Variants in RHPN2 observed in about 807,000 individuals in gnomAD.
RHPN2 encodes rhophilin Rho GTPase binding protein 2.
A neutral mutation model predicts 79.0 loss-of-function variants in RHPN2; 40 were observed. The observed-to-expected ratio is 0.51, with a 90% confidence interval of 0.39 to 0.66. The LOEUF (loss-of-function observed/expected upper bound fraction) is 0.66. Among genes scored for constraint, RHPN2 ranks in the 30% least tolerant of loss-of-function variants. The probability of loss-of-function intolerance (pLI) is 0.00; values close to 1 mark genes in which losing one functional copy is unlikely to be tolerated. For missense variants in RHPN2, 686 were observed against 883.5 expected, an observed-to-expected ratio of 0.78 and a Z score of 2.83; for synonymous variants, 285 against 363.5, an observed-to-expected ratio of 0.78 and a Z score of 2.46.
chr19:32,998,111 C>A (rs756488574), intron 10 of RHPN2, among the ~76,000 whole-genome samples: 1 of 152,142 alleles, frequency 6.6e-6, no homozygotes, highest in African/African-American at 2.4e-5. Context: ...CAGGAAAACC[C>A]GCTATGAGCA....
chr19:33,064,750 G>A (rs1284410048), intron 1 of RHPN2, 34 bp downstream of exon 1: 1 of 1,504,554 alleles, frequency 6.6e-7, no homozygotes, highest in Non-Finnish European at 8.9e-7. Flanking sequence ...TCTGGAGCCC[G>A]CAGGTCCCCG....
intron 14 of RHPN2, among the ~76,000 whole-genome samples, chr19:32,986,598 A>T (rs1230341226): frequency 1.3e-5 from 2 of 152,016 alleles, no homozygotes; most frequent in Admixed American, 6.6e-5. Context: ...GTTCGAGACC[A>T]GCCTGACCAA....
intron 1 of RHPN2, among the ~76,000 whole-genome samples, chr19:33,054,748 G>C (rs908051738): frequency 6.6e-6 from 1 of 152,240 alleles, no homozygotes; most frequent in East Asian, 1.9e-4. Flanking sequence ...GTCACGGGAC[G>C]CTGGTACCTG....
chr19:33,052,038 C>T (rs1187408634), intron 1 of RHPN2, among the ~76,000 whole-genome samples: 3 of 150,684 alleles, frequency 2.0e-5, no homozygotes, highest in Non-Finnish European at 3.0e-5. Flanking sequence ...GAGCCCTTAC[C>T]AAAAACTGAC....
intron 2 of RHPN2, among the ~76,000 whole-genome samples, chr19:33,033,781 C>T (rs1051469939): frequency 6.6e-6 from 1 of 151,714 alleles, no homozygotes; most frequent in Non-Finnish European, 1.5e-5. Context: ...GCAGGAGACT[C>T]GCTTGAACCC....
At chr19:33,003,949 A>C (rs1254454530) in intron 7 of RHPN2, among the ~76,000 whole-genome samples, 1 of 152,164 alleles carries the variant, frequency 6.6e-6, no homozygotes, top group African/African-American at 2.4e-5. Flanking sequence ...CTGAGGTGGG[A>C]GGGTTGCTTG....
At chr19:33,050,820 A>G (rs1275416604) in intron 1 of RHPN2, among the ~76,000 whole-genome samples, 3 of 152,060 alleles carry the variant, frequency 2.0e-5, no homozygotes, top group Non-Finnish European at 4.4e-5. Context: ...CTAGAATTGC[A>G]GGCACCCGCC....
chr19:33,021,419 T>C (rs1971922866), intron 4 of RHPN2, 152 bp downstream of exon 4: 1 of 686,498 alleles, frequency 1.5e-6, no homozygotes, highest in Non-Finnish European at 2.7e-6. Context: ...TGCAGTTGTA[T>C]GATCACAACT....
At chr19:33,051,327 C>T (rs1019506618) in intron 1 of RHPN2, among the ~76,000 whole-genome samples, 1 of 152,098 alleles carries the variant, frequency 6.6e-6, no homozygotes, top group Non-Finnish European at 1.5e-5. Flanking sequence ...ACTTACATGC[C>T]CTTAATGTAC....
At chr19:33,010,388 T>G (rs1218688239) in intron 6 of RHPN2, among the ~76,000 whole-genome samples, 3 of 149,578 alleles carry the variant, frequency 2.0e-5, no homozygotes, top group African/African-American at 4.9e-5. Flanking sequence ...TTAGGTTGTT[T>G]TTTTTTTTTT....
rs530284964 is a variant in RHPN2, at chr19:33,044,264, G to A, written c.170C>T (p.Ala57Val). The A allele has an allele frequency of 5.6e-6, 9 of 1,613,714 alleles. No individual in the cohort carries two copies. The highest frequency in any genetic ancestry group is 1.7e-5 in the Admixed American group (1 of 59,984). ...ILKAVRMRTG[A>V]ENLLKVATNS... ...AGACACCTACTTCAGAAGGTTTTCC[G>A]CTCCGGTCCTCATCCGCACGGCTTT... Residue 57 changes from alanine to valine, a missense_variant, in exon 2 of 15, where the codon GCG becomes GTG. Ala to Val is a moderately conservative substitution (Grantham distance 64, BLOSUM62 0). Transcript: ENST00000254260.
chr19:32,989,105 G>A (rs1191297211), intron 14 of RHPN2, among the ~76,000 whole-genome samples: 1 of 152,034 alleles, frequency 6.6e-6, no homozygotes, highest in Non-Finnish European at 1.5e-5. Context: ...CTAGCACTTG[G>A]GGAAAATTTT....
At chr19:32,997,010 T>C (rs1026207857) in intron 10 of RHPN2, among the ~76,000 whole-genome samples, 2 of 152,196 alleles carry the variant, frequency 1.3e-5, no homozygotes, top group Non-Finnish European at 2.9e-5. Context: ...AACCTCCCTC[T>C]TCTGACTCTT....
intron 14 of RHPN2, among the ~76,000 whole-genome samples, chr19:32,988,073 C>T (rs148454917): frequency 1.3e-5 from 2 of 152,034 alleles, no homozygotes; most frequent in African/African-American, 4.8e-5. Flanking sequence ...GTGGTACACA[C>T]CTGTAGTTCC....
At chr19:33,016,605 T>C (rs1971879878) in intron 4 of RHPN2, among the ~76,000 whole-genome samples, 1 of 152,162 alleles carries the variant, frequency 6.6e-6, no homozygotes, top group South Asian at 2.1e-4. Context: ...CGCTTGAACC[T>C]GGGAGGCAGA....
intron 1 of RHPN2, among the ~76,000 whole-genome samples, chr19:33,044,770 T>A (rs756437755): frequency 6.6e-6 from 1 of 152,080 alleles, no homozygotes; most frequent in East Asian, 1.9e-4. Context: ...GGTGGGCGCC[T>A]ATAATCCCAG....
In RHPN2 at chr19:33,059,541, C is replaced by T. The variant is rs558366150; in HGVS notation, c.69+5243G>A. Among the ~76,000 whole-genome samples the T allele has an allele frequency of 4.6e-5, 7 of 152,178 alleles. No individual in the cohort carries two copies. The South Asian group carries it at 1.5e-3, about 32-fold the overall frequency. ...TCTCAAACTTCTGACCTCAGGTGAT[C>T]CGCCTGCCTCGGCCTCCCAAAGTGC... On this transcript the variant is annotated intron_variant, in intron 1 of 14. Coordinates refer to ENST00000254260, the MANE Select transcript of RHPN2 (RefSeq NM_033103.5).
intron 7 of RHPN2, among the ~76,000 whole-genome samples, chr19:33,004,866 C>T (rs77287493): frequency 0.24 from 35,779 of 151,376 alleles, 4,316 homozygotes; most frequent in East Asian, 0.37. Flanking sequence ...GGATAACAGG[C>T]GTGAGCCACC....
chr19:33,048,800 C>CTCTTT (rs926181417), intron 1 of RHPN2, among the ~76,000 whole-genome samples: 10 of 148,868 alleles, frequency 6.7e-5, no homozygotes, highest in Non-Finnish European at 1.5e-4. Context: ...AACTGTTCAT[C>CTCTTT]TCTTTCCTTT....
Sources: allele counts gnomAD v4.1 joint callset (sites outside exome capture counted in the v4.1 genomes callset), GRCh38; gene constraint gnomAD v4.1.1; transcripts MANE v1.5; gene names NCBI Gene and HGNC (gene_info 2026-07-23, HGNC 2026-07-21).